The following SNX25 variants were observed in gnomAD, a reference collection of about 807,000 sequenced individuals.
SNX25 encodes the protein sorting nexin 25.
SNX25 carries 62 observed loss-of-function variants against 113.7 expected under a neutral mutation model. The ratio of observed to expected loss-of-function variants is 0.55; its 90% CI spans 0.44 to 0.67. SNX25 has a LOEUF of 0.67. SNX25 is among the 30% of genes least tolerant of loss of function. The probability of loss-of-function intolerance (pLI) is 0.00; values close to 1 mark genes in which losing one functional copy is unlikely to be tolerated. For synonymous variants in SNX25, 421 were observed against 436.2 expected (o/e 0.97, Z 0.43); for missense variants, 1,014 against 1,161.0 (o/e 0.87, Z 1.84).
At chr4:185,224,787 T>C (rs1740719761) in intron 1 of SNX25, among the ~76,000 whole-genome samples, 2 of 151,852 alleles carry the variant, frequency 1.3e-5, no homozygotes, top group Non-Finnish European at 2.9e-5. Context: ...GGGAGCCCTT[T>C]TTAGTTGACT....
chr4:185,378,432 C>T, the SNX25 span: 3 of 1,320,192 alleles, frequency 2.3e-6, no homozygotes, highest in East Asian at 3.2e-5. Flanking sequence ...TCCACAGCAT[C>T]GCATTCACCA....
intron 7 of SNX25, among the ~76,000 whole-genome samples, chr4:185,315,772 A>G (rs1365669758): frequency 6.6e-6 from 1 of 152,216 alleles, no homozygotes; most frequent in East Asian, 1.9e-4. Context: ...CCTGGACAGA[A>G]AAGTCCTTAA....
chr4:185,219,001 C>A (rs960013908), intron 1 of SNX25, among the ~76,000 whole-genome samples: 1 of 152,168 alleles, frequency 6.6e-6, no homozygotes, highest in South Asian at 2.1e-4. Flanking sequence ...CAGACAGTGT[C>A]CCATGTATTT....
intron 1 of SNX25, among the ~76,000 whole-genome samples, chr4:185,212,569 C>T (rs567719789): frequency 7.0e-6 from 1 of 142,134 alleles, no homozygotes; most frequent in South Asian, 2.3e-4. Context: ...TTTGTAGAGA[C>T]AGGGTCCTCA....
rs1229094507 is a variant in SNX25, at chr4:185,254,059, A to T, written c.515-4789A>T. Among the ~76,000 whole-genome samples the T allele has an allele frequency of 3.9e-5, 6 of 152,186 alleles. 1 individual carries two copies. Among genetic ancestry groups the T allele is most frequent in the Admixed American group, 3.3e-4 (5 of 15,276 alleles). The stretch of plus-strand genomic sequence containing the variant: ...CCAAGGCCCACCGTATGGCTGTTCC[A>T]GATGTCTGGCTGCCTGGGAATTAGA... On this transcript the variant is annotated intron_variant, in intron 2 of 18. Transcript: ENST00000652585.
intron 15 of SNX25, 108 bp downstream of exon 15, chr4:185,353,710 G>T (rs2095326517): frequency 2.2e-6 from 2 of 914,014 alleles, no homozygotes; most frequent in East Asian, 4.9e-5. Flanking sequence ...CATCAGACAT[G>T]TATTTATATT....
Position 185,310,802 on chromosome 4 carries a change from C to G in SNX25, c.1330C>G (p.Pro444Ala). The G allele has an allele frequency of 6.2e-7, 1 of 1,610,810 alleles. No homozygotes were observed. Among genetic ancestry groups the G allele is most frequent in the Non-Finnish European group, 8.5e-7 (1 of 1,178,766 alleles). ...EDGALDEGEG[P>A]QSQKILQFED... is the part of the protein sequence containing the mutation. ...TGGGGCCCTGGATGAGGGGGAAGGGCCTCAAAGCCAGAAGGTAGAACTTTA... is the reference window on the plus strand; with the variant it reads ...TGGGGCCCTGGATGAGGGGGAAGGGGCTCAAAGCCAGAAGGTAGAACTTTA... Residue 444 changes from proline to alanine, a missense_variant, in exon 7 of 19, where the codon CCT (proline) becomes GCT (alanine). Coordinates refer to ENST00000652585, the MANE Select transcript of SNX25 (RefSeq NM_001378034.2).
At chr4:185,276,210 A>G (rs1438390379) in intron 5 of SNX25, among the ~76,000 whole-genome samples, 1 of 152,152 alleles carries the variant, frequency 6.6e-6, no homozygotes. Context: ...TATCTGCTTT[A>G]TGAATGAGTA....
chr4:185,333,238 A>G (rs1030269725), intron 10 of SNX25, among the ~76,000 whole-genome samples: 3 of 152,222 alleles, frequency 2.0e-5, no homozygotes, highest in Non-Finnish European at 4.4e-5. Context: ...CTCAAACCCA[A>G]GCTGTGGTGT....
At chr4:185,239,192 A>G (rs1743121560) in intron 1 of SNX25, among the ~76,000 whole-genome samples, 1 of 152,156 alleles carries the variant, frequency 6.6e-6, no homozygotes, top group South Asian at 2.1e-4. Flanking sequence ...TATTAGAGAA[A>G]AGTTTTCTGC....
At chr4:185,319,510 A>AT (rs1380939168) in intron 7 of SNX25, among the ~76,000 whole-genome samples, 1 of 117,998 alleles carries the variant, frequency 8.5e-6, no homozygotes, top group Non-Finnish European at 1.8e-5. Context: ...GGGAAAGTCC[A>AT]TTCTTTTTTT....
At chr4:185,360,472 A>ATAT (rs2095356473) in intron 16 of SNX25, among the ~76,000 whole-genome samples, 1 of 152,148 alleles carries the variant, frequency 6.6e-6, no homozygotes, top group Non-Finnish European at 1.5e-5. Flanking sequence ...GCTTTTTAAT[A>ATAT]TATTATTATT....
At chr4:185,346,180 CT>C (rs552928568) in intron 12 of SNX25, among the ~76,000 whole-genome samples, 248 of 152,274 alleles carry the variant, frequency 1.6e-3, no homozygotes, top group Middle Eastern at 6.8e-3. Flanking sequence ...TTAACTTTAG[CT>C]TTTTACAGAG....
intron 5 of SNX25, among the ~76,000 whole-genome samples, chr4:185,275,940 A>T (rs549565020): frequency 6.6e-6 from 1 of 152,356 alleles, no homozygotes; most frequent in South Asian, 2.1e-4. Flanking sequence ...CTGTTTATGA[A>T]AAATACTCTA....
chr4:185,293,323 A>G (rs1382411882), intron 6 of SNX25, among the ~76,000 whole-genome samples: 3 of 152,250 alleles, frequency 2.0e-5, no homozygotes, highest in Non-Finnish European at 2.9e-5. Flanking sequence ...CTCCACAAAA[A>G]ACTTGAATGT....
chr4:185,265,865 G>A (rs1748006325), intron 4 of SNX25, among the ~76,000 whole-genome samples: 1 of 151,998 alleles, frequency 6.6e-6, no homozygotes, highest in African/African-American at 2.4e-5. Context: ...TAATCTTATG[G>A]GGGCCACTGT....
Position 185,361,945 on chromosome 4 carries a change from C to G in SNX25, c.2673C>G (p.Ser891Arg), listed in dbSNP as rs771199568. ...TINKQIRDTV[S>R]WIFSEQMLVY... is the part of the protein sequence containing the mutation. ...AAAGACAAATCCGGGACACAGTCAG[C>G]TGGATTTTCAGTGAGCAAATGTTGG... Residue 891 changes from serine to arginine, a missense_variant, in exon 17 of 19, where the codon AGC becomes AGG. Ser to Arg is a moderately radical substitution (Grantham distance 110). Coordinates refer to ENST00000652585, the MANE Select transcript of SNX25 (RefSeq NM_001378034.2). The G allele has an allele frequency of 1.2e-6, 2 of 1,613,944 alleles. No individual in the cohort carries two copies. Among genetic ancestry groups the G allele is most frequent in the Non-Finnish European group, 1.7e-6 (2 of 1,179,934 alleles).
At chr4:185,239,000 C>A (rs924667379) in intron 1 of SNX25, among the ~76,000 whole-genome samples, 2 of 152,128 alleles carry the variant, frequency 1.3e-5, no homozygotes, top group African/African-American at 4.8e-5. Flanking sequence ...ACTCAGGTTT[C>A]TCTGCCTGGC....
downstream of SNX25, chr4:185,374,473 G>C: frequency 1.9e-6 from 3 of 1,601,292 alleles, no homozygotes; most frequent in Non-Finnish European, 2.5e-6. Context: ...TTCGACAAAA[G>C]AAAGAGCAAA....
Sources: gnomAD v4.1 joint callset for allele counts (sites outside exome capture counted in the v4.1 genomes callset) on GRCh38, gnomAD v4.1.1 for gene constraint, MANE v1.5 for transcripts, NCBI Gene and HGNC (gene_info 2026-07-23, HGNC 2026-07-21) for gene names.